The following MBTD1 variants were observed in gnomAD, a reference collection of about 807,000 sequenced individuals.
MBTD1 encodes MBT domain-containing protein 1.
Under a neutral mutation model 87.8 loss-of-function variants are expected in MBTD1, and 24 were observed. That is an observed-to-expected ratio of 0.27 (90% confidence interval 0.20 to 0.38). MBTD1 has a LOEUF of 0.38. MBTD1 is among the 10% of genes least tolerant of loss of function. MBTD1 has a pLI of 1.00. For synonymous variants in MBTD1, 237 were observed against 248.6 expected (o/e 0.95, Z 0.44); for missense variants, 436 against 760.2 (o/e 0.57, Z 5.02).
chr17:51,217,711 T>G (rs1396891467), intron 5 of MBTD1, among the ~76,000 whole-genome samples: 2 of 152,100 alleles, frequency 1.3e-5, no homozygotes, highest in Non-Finnish European at 2.9e-5. Context: ...CAGGTTCAAG[T>G]GATTCTCCTG....
intron 2 of MBTD1, among the ~76,000 whole-genome samples, chr17:51,247,939 G>C (rs187428377): frequency 6.6e-6 from 1 of 152,202 alleles, no homozygotes; most frequent in East Asian, 1.9e-4. Context: ...CTCTAATGAG[G>C]TCAATTTTAT....
chr17:51,259,267 C>T, intron 1 of MBTD1, 61 bp from the exon 2 acceptor site: 1 of 1,231,830 alleles, frequency 8.1e-7, no homozygotes, highest in Non-Finnish European at 1.0e-6. Flanking sequence ...AGTCCACCGA[C>T]TTGAAACCCT....
At chr17:51,192,713 T>C in intron 15 of MBTD1, 69 bp downstream of exon 15, 1 of 1,587,744 alleles carries the variant, frequency 6.3e-7, no homozygotes, top group Non-Finnish European at 8.6e-7. Context: ...TAAGATGACT[T>C]ATGTGAGATA....
intron 4 of MBTD1, 73 bp downstream of exon 4, chr17:51,220,257 C>A: frequency 1.4e-6 from 2 of 1,394,558 alleles, no homozygotes; most frequent in Admixed American, 2.4e-5. Context: ...CAGTGAATCA[C>A]AGTCAAATGA....
intron 16 of MBTD1, chr17:51,186,364 GAGAC>G (rs1433229064): frequency 6.6e-6 from 1 of 152,250 alleles, no homozygotes; most frequent in East Asian, 1.9e-4. Flanking sequence ...GAAGGAAAGA[GAGAC>G]TGACTGAATG....
intron 2 of MBTD1, among the ~76,000 whole-genome samples, chr17:51,253,756 C>T (rs2054928531): frequency 6.6e-6 from 1 of 152,016 alleles, no homozygotes; most frequent in Non-Finnish European, 1.5e-5. Flanking sequence ...GATCACAAAT[C>T]ACAACAGAAC....
chr17:51,236,132 A>G (rs944979068), intron 2 of MBTD1, among the ~76,000 whole-genome samples: 3 of 152,204 alleles, frequency 2.0e-5, no homozygotes, highest in East Asian at 1.9e-4. Context: ...CAATATCTAT[A>G]TAGATATCTA....
intron 2 of MBTD1, among the ~76,000 whole-genome samples, chr17:51,248,791 C>A (rs1418424440): frequency 6.6e-6 from 1 of 152,178 alleles, no homozygotes; most frequent in African/African-American, 2.4e-5. Context: ...CACGAAAATT[C>A]TTGTACAAGG....
chr17:51,246,504 C>T (rs1448909478), intron 2 of MBTD1, among the ~76,000 whole-genome samples: 2 of 152,204 alleles, frequency 1.3e-5, no homozygotes, highest in South Asian at 2.1e-4. Context: ...TCTCACTACA[C>T]AAAGGTTTAT....
rs547657807 is a variant in MBTD1, at chr17:51,239,123, C to CT, written c.-48-13915dup. The stretch of plus-strand genomic sequence containing the variant: ...TCAAAAAAAAAAAAAAGTCAATGAA[C>CT]TGGATAAGCGTGAAAACAACATGGC... On this transcript the variant is annotated intron_variant, in intron 2 of 16. Coordinates refer to ENST00000586178, the MANE Select transcript of MBTD1 (RefSeq NM_017643.3). Among the ~76,000 whole-genome samples, 243 of 150,788 alleles carry CT rather than the reference C, an allele frequency of 1.6e-3. 1 individual carries two copies. The highest frequency in any genetic ancestry group is 5.6e-3 in the African/African-American group (229 of 41,068).
chr17:51,214,977 CA>C (rs1287968306), intron 6 of MBTD1, among the ~76,000 whole-genome samples: 1 of 152,214 alleles, frequency 6.6e-6, no homozygotes, highest in African/African-American at 2.4e-5. Context: ...AGGACAAAAT[CA>C]AGTGCAGCAA....
chr17:51,185,845 G>T (rs1176142192), intron 16 of MBTD1: 2 of 152,220 alleles, frequency 1.3e-5, no homozygotes, highest in Non-Finnish European at 2.9e-5. Context: ...ATCCTTCCCT[G>T]ATGTTTTGTC....
chr17:51,202,881 C>G lies in MBTD1; in HGVS notation c.883G>C (p.Asp295His), dbSNP rs1467572796. The G allele has an allele frequency of 6.2e-7, 1 of 1,614,178 alleles. No individual in the cohort carries two copies. Among genetic ancestry groups the G allele is most frequent in the Non-Finnish European group, 8.5e-7 (1 of 1,180,024 alleles). ...FKPCMRVEVV[D>H]KRHLCRTRVA... ...CGTGTTCGACACAAATGCCTCTTGT[C>G]AACCACTTCTACTCTCATGCAAGGT... Residue 295 changes from aspartate to histidine, a missense_variant, in exon 10 of 17, where the codon GAC (aspartate) becomes CAC (histidine). Asp to His is a moderately conservative substitution (Grantham distance 81). This residue lies in a region of MBTD1 where 268 missense variants were observed against 401.8 expected (regional missense o/e 0.67). Coordinates refer to ENST00000586178, the MANE Select transcript of MBTD1 (RefSeq NM_017643.3).
intron 2 of MBTD1, among the ~76,000 whole-genome samples, chr17:51,225,898 T>C (rs985784007): frequency 3.3e-5 from 5 of 151,500 alleles, no homozygotes; most frequent in Admixed American, 3.3e-4. Flanking sequence ...CCTGCCTCAG[T>C]CTCCTGAGTA....
At chr17:51,229,320 A>T (rs1568210624) in intron 2 of MBTD1, among the ~76,000 whole-genome samples, 1 of 151,838 alleles carries the variant, frequency 6.6e-6, no homozygotes, top group African/African-American at 2.4e-5. Flanking sequence ...ATCCTCTCAC[A>T]CTACACTTTA....
intron 2 of MBTD1, among the ~76,000 whole-genome samples, chr17:51,244,916 T>C (rs2054344393): frequency 1.3e-5 from 2 of 152,082 alleles, no homozygotes; most frequent in African/African-American, 4.8e-5. Flanking sequence ...AGCATTTTTT[T>C]TTTAATGGAG....
At chr17:51,211,655 C>T (rs2052225667) in intron 6 of MBTD1, among the ~76,000 whole-genome samples, 1 of 151,714 alleles carries the variant, frequency 6.6e-6, no homozygotes, top group Admixed American at 6.6e-5. Context: ...GTTTTATTTC[C>T]ATTAGAAGGA....
rs2050224178 is a variant in MBTD1, at chr17:51,179,515, T to TATAA, written c.*1060_*1061insTTAT. 1 of 101,510 alleles carries TATAA rather than the reference T, an allele frequency of 9.9e-6. No homozygotes were observed. Among genetic ancestry groups the TATAA allele is most frequent in the South Asian group, 2.9e-4 (1 of 3,392 alleles). The allele number at this position is 101,510 out of a possible 1,614,324, so 6.3% of individuals were successfully genotyped here. A position where few individuals can be genotyped will look rare whatever the true frequency, so the allele number is the denominator to read the frequency against. ...ATATATATATATATATATATATATA[T>TATAA]ATATATATATATATATATATATGGA... On this transcript the variant is annotated 3_prime_UTR_variant, in exon 17 of 17. Transcript: ENST00000586178.
chr17:51,242,598 T>G (rs934579873), intron 2 of MBTD1, among the ~76,000 whole-genome samples: 1 of 152,170 alleles, frequency 6.6e-6, no homozygotes, highest in African/African-American at 2.4e-5. Flanking sequence ...TCATCCTTAT[T>G]GGATTTATTT....
Sources: allele counts gnomAD v4.1 joint callset (sites outside exome capture counted in the v4.1 genomes callset), GRCh38; gene constraint gnomAD v4.1.1; regional missense constraint gnomAD v4.1.1; transcripts MANE v1.5; gene names NCBI Gene and HGNC (gene_info 2026-07-23, HGNC 2026-07-21).